PTPRA: variants seen among roughly 807,000 people sequenced by gnomAD.
PTPRA encodes the protein protein tyrosine phosphatase receptor type A.
In PTPRA, 25 loss-of-function variants were observed where a neutral mutation model predicts 104.8. The ratio of observed to expected loss-of-function variants is 0.24; its 90% CI spans 0.17 to 0.33. The LOEUF (loss-of-function observed/expected upper bound fraction) is 0.33. Among genes scored for constraint, PTPRA ranks in the 10% least tolerant of loss-of-function variants. The pLI is 1.00. For synonymous variants in PTPRA, 323 were observed against 368.9 expected, an observed-to-expected ratio of 0.88 and a Z score of 1.43; for missense variants, 765 against 1,015.3, an observed-to-expected ratio of 0.75 and a Z score of 3.35.
intron 3 of PTPRA, among the ~76,000 whole-genome samples, chr20:2,953,543 A>G (rs536740265): frequency 2.0e-4 from 31 of 151,630 alleles, no homozygotes; most frequent in Non-Finnish European, 2.6e-4. Context: ...GTGAGCCACT[A>G]TGCCTGGCCA....
intron 2 of PTPRA, among the ~76,000 whole-genome samples, chr20:2,938,767 T>C (rs535102024): frequency 6.6e-6 from 1 of 152,334 alleles, no homozygotes; most frequent in East Asian, 1.9e-4. Context: ...AAAATTCCAT[T>C]TGGTACTCCT....
chr20:3,028,068 C>T (rs764155018), intron 20 of PTPRA, among the ~76,000 whole-genome samples: 2 of 152,162 alleles, frequency 1.3e-5, no homozygotes, highest in Non-Finnish European at 2.9e-5. Context: ...TAGCTTCTCC[C>T]AAGACTAGAA....
intron 5 of PTPRA, among the ~76,000 whole-genome samples, chr20:2,971,296 T>A (rs1439598252): frequency 6.6e-6 from 1 of 152,188 alleles, no homozygotes; most frequent in Admixed American, 6.5e-5. Context: ...TGCAATATAT[T>A]CCATTTTCTG....
intron 1 of PTPRA, among the ~76,000 whole-genome samples, chr20:2,889,995 C>T (rs1299043889): frequency 3.9e-5 from 6 of 152,114 alleles, no homozygotes; most frequent in African/African-American, 7.2e-5. Flanking sequence ...GTGATCCTCC[C>T]GCCTCAGCCT....
At chr20:2,960,249 ATTTT>A (rs556503635) in intron 3 of PTPRA, among the ~76,000 whole-genome samples, 1 of 134,322 alleles carries the variant, frequency 7.4e-6, no homozygotes, top group Admixed American at 7.5e-5. Context: ...ACAACCACTG[ATTTT>A]TTTTTTTTTT....
At chr20:2,960,109 G>A (rs2061693181) in intron 3 of PTPRA, among the ~76,000 whole-genome samples, 1 of 152,150 alleles carries the variant, frequency 6.6e-6, no homozygotes, top group African/African-American at 2.4e-5. Flanking sequence ...CTTTGGTGTT[G>A]TACATTCTGT....
At chr20:2,904,929 A>G (rs1362024460) in intron 1 of PTPRA, among the ~76,000 whole-genome samples, 2 of 152,180 alleles carry the variant, frequency 1.3e-5, no homozygotes, top group Non-Finnish European at 2.9e-5. Context: ...TATTCAAATA[A>G]TCACCAAATT....
At chr20:3,020,269 G>A (rs908511275) in intron 13 of PTPRA, among the ~76,000 whole-genome samples, 4 of 151,932 alleles carry the variant, frequency 2.6e-5, no homozygotes, top group Non-Finnish European at 5.9e-5. Context: ...CTAATTTTTT[G>A]TGTTTTTTTT....
intron 6 of PTPRA, among the ~76,000 whole-genome samples, chr20:2,983,119 C>G (rs1240233737): frequency 1.3e-5 from 2 of 152,000 alleles, no homozygotes; most frequent in African/African-American, 2.4e-5. Context: ...GACTTATGAT[C>G]CTAATTTAGT....
intron 1 of PTPRA, among the ~76,000 whole-genome samples, chr20:2,875,511 A>G (rs917473321): frequency 2.0e-5 from 3 of 152,206 alleles, no homozygotes; most frequent in African/African-American, 7.2e-5. Flanking sequence ...TCCCTTTGCC[A>G]GGTGAATTGC....
At chr20:3,017,941 C>A in intron 13 of PTPRA, 28 bp downstream of exon 13, 1 of 1,566,362 alleles carries the variant, frequency 6.4e-7, no homozygotes, top group Non-Finnish European at 8.8e-7. Flanking sequence ...ATGTGAACAG[C>A]AGAAGGATCA....
intron 3 of PTPRA, among the ~76,000 whole-genome samples, chr20:2,954,799 C>A (rs2061478341): frequency 6.6e-6 from 1 of 152,200 alleles, no homozygotes; most frequent in African/African-American, 2.4e-5. Context: ...GCTTTGCCCT[C>A]TGTTTCCTTC....
chr20:2,909,404 G>A (rs1056734605), intron 1 of PTPRA, among the ~76,000 whole-genome samples: 4 of 152,038 alleles, frequency 2.6e-5, no homozygotes, highest in South Asian at 2.1e-4. Context: ...CCAACATGGC[G>A]AAACCACGTC....
chr20:2,964,575 T>C (rs541212018), intron 4 of PTPRA, among the ~76,000 whole-genome samples: 3 of 152,250 alleles, frequency 2.0e-5, no homozygotes, highest in Non-Finnish European at 4.4e-5. Context: ...ATGTGTTCTT[T>C]CCTGAAAAGT....
intron 2 of PTPRA, among the ~76,000 whole-genome samples, chr20:2,929,595 C>G (rs2060434635): frequency 6.6e-6 from 1 of 152,052 alleles, no homozygotes; most frequent in Non-Finnish European, 1.5e-5. Context: ...GTGGCTGAGG[C>G]AGGAGGATTG....
the PTPRA span, among the ~76,000 whole-genome samples, chr20:2,868,123 TG>T: frequency 6.6e-6 from 1 of 152,106 alleles, no homozygotes; most frequent in Non-Finnish European, 1.5e-5. Context: ...TGGGGTGGTC[TG>T]CCAGAACACC....
chr20:2,947,194 A>G (rs1226307291), intron 2 of PTPRA, among the ~76,000 whole-genome samples: 2 of 152,200 alleles, frequency 1.3e-5, no homozygotes, highest in Non-Finnish European at 2.9e-5. Flanking sequence ...ATTTCCTCTC[A>G]TAATATTACT....
At chr20:3,033,621 G>T (rs1156629635) in intron 20 of PTPRA, among the ~76,000 whole-genome samples, 1 of 152,076 alleles carries the variant, frequency 6.6e-6, no homozygotes, top group African/African-American at 2.4e-5. Context: ...CCTGTTTGAG[G>T]CCAGGTGCGG....
At chr20:2,910,501 TAGACTGG>T (rs2059666265) in intron 1 of PTPRA, among the ~76,000 whole-genome samples, 1 of 105,886 alleles carries the variant, frequency 9.4e-6, no homozygotes, top group African/African-American at 3.9e-5. Flanking sequence ...TTTTTTTTTT[TAGACTGG>T]ATCTTGCTCT....
Sources: gnomAD v4.1 joint callset for allele counts (sites outside exome capture counted in the v4.1 genomes callset) on GRCh38, gnomAD v4.1.1 for gene constraint, MANE v1.5 for transcripts, NCBI Gene and HGNC (gene_info 2026-07-23, HGNC 2026-07-21) for gene names.